The following GIT2 variants were observed in gnomAD, a reference collection of about 807,000 sequenced individuals.
GIT2 encodes ARF GTPase-activating protein GIT2.
A neutral mutation model predicts 100.3 loss-of-function variants in GIT2; 32 were observed. The observed-to-expected ratio is 0.32, with a 90% CI of 0.24 to 0.43. The LOEUF is 0.43. Ranked by LOEUF, GIT2 falls within the 20% of genes least tolerant of loss-of-function variation. The pLI is 1.00. For missense variants in GIT2, 737 were observed against 975.1 expected (o/e 0.76, Z 3.25); for synonymous variants, 353 against 364.1 (o/e 0.97, Z 0.35).
At chr12:109,986,145 A>G (rs1169439839) in intron 4 of GIT2, among the ~76,000 whole-genome samples, 1 of 152,018 alleles carries the variant, frequency 6.6e-6, no homozygotes, top group African/African-American at 2.4e-5. Flanking sequence ...TCCTACTAAA[A>G]TTATTCCAAA....
chr12:109,999,526 A>G, upstream of GIT2: 1 of 383,838 alleles, frequency 2.6e-6, no homozygotes. The surrounding 1 kb of genome is among the most constrained non-coding windows in gnomAD (Gnocchi z 4.3). Flanking sequence ...GCGACCCCGG[A>G]CCTCCCGCGC....
rs941723847 is a variant in GIT2, at chr12:109,989,749, C to A, written c.240G>T (p.Leu80Phe). 1 of 1,608,220 alleles carries A rather than the reference C, an allele frequency of 6.2e-7. No individual in the cohort carries two copies. Among genetic ancestry groups the A allele is most frequent in the African/African-American group, 1.3e-5 (1 of 74,782 alleles). The change falls in exon 3 of 20, where the codon TTG becomes TTT. Residue 80 changes from leucine (L) to phenylalanine (F), a missense_variant. Coordinates refer to ENST00000355312, the MANE Select transcript of GIT2 (RefSeq NM_057169.5). ...CACTCATAATAGACGCAGGGTCCAGCAAAGAATGCTCCCATATAGAGTTAG... is the reference window on the plus strand; with the variant it reads ...CACTCATAATAGACGCAGGGTCCAGAAAAGAATGCTCCCATATAGAGTTAG... ...NGANSIWEHS[L>F]LDPASIMSGR... is the part of the protein sequence containing the mutation.
rs1260726807 is a variant in GIT2, at chr12:109,961,620, C to T, written c.882G>A (p.Thr294=). The change falls in exon 10 of 20, where the codon ACG becomes ACA. Residue 294 remains threonine (T), a synonymous_variant. Transcript: ENST00000355312. ...DVYDEVDRRE[T]DAVWLATQNH... ...AAAGCCACGTCAAGTCACCTGCATC[C>T]GTCTCTCGCCTGTCAACTTCATCGT... 2.5e-6 allele frequency: 4 copies of T among 1,596,446 alleles called. No individual in the cohort carries two copies. Among genetic ancestry groups the T allele is most frequent in the Middle Eastern group, 1.7e-4 (1 of 6,028 alleles).
chr12:109,937,505 A>G (rs1873383064), intron 18 of GIT2, among the ~76,000 whole-genome samples: 2 of 152,188 alleles, frequency 1.3e-5, no homozygotes, highest in Admixed American at 1.3e-4. Context: ...CCTGCCAACC[A>G]TGGGAAGCTA....
At chr12:109,994,648 A>G (rs1249920902) in intron 1 of GIT2, among the ~76,000 whole-genome samples, 5 of 152,242 alleles carry the variant, frequency 3.3e-5, no homozygotes, top group African/African-American at 1.2e-4. Context: ...TCTGAAATGC[A>G]CAAAATGCTG....
At chr12:109,961,967 T>C (rs1429434228) in intron 9 of GIT2, among the ~76,000 whole-genome samples, 1 of 152,218 alleles carries the variant, frequency 6.6e-6, no homozygotes, top group East Asian at 1.9e-4. Context: ...TAGGTTCCAG[T>C]TCTCTACTCT....
chr12:109,967,923 C>T (rs1458528014), intron 7 of GIT2, among the ~76,000 whole-genome samples: 1 of 152,122 alleles, frequency 6.6e-6, no homozygotes, highest in Non-Finnish European at 1.5e-5. Flanking sequence ...GGACAGGTGG[C>T]CTTTGCAGAT....
At chr12:109,963,848 C>T (rs958824710) in intron 9 of GIT2, among the ~76,000 whole-genome samples, 10 of 152,236 alleles carry the variant, frequency 6.6e-5, no homozygotes, top group African/African-American at 1.7e-4. Context: ...CAGTTCTGGC[C>T]GGCAGCCCCT....
At position 109,959,967 on chromosome 12, in the gene GIT2, G is replaced by C; in HGVS notation, c.988-9C>G. The C allele has an allele frequency of 6.3e-7, 1 of 1,576,564 alleles. No homozygotes were observed. Among genetic ancestry groups the C allele is most frequent in the Non-Finnish European group, 8.7e-7 (1 of 1,146,572 alleles). ...GCTAACTTCTGTCTGCCCTAAAGGT[G>C]GGAAAATAATTGGAAATATTTCCCA... On this transcript the variant is annotated splice_polypyrimidine_tract_variant and intron_variant, in intron 11 of 19. Coordinates refer to ENST00000355312, the MANE Select transcript of GIT2 (RefSeq NM_057169.5).
chr12:109,967,737 C>A (rs1373838704), intron 7 of GIT2, among the ~76,000 whole-genome samples: 1 of 152,164 alleles, frequency 6.6e-6, no homozygotes, highest in East Asian at 1.9e-4. Context: ...CCTATGCTCA[C>A]CCCAATCACG....
chr12:109,955,378 G>A (rs551762124), intron 12 of GIT2, among the ~76,000 whole-genome samples: 7 of 151,920 alleles, frequency 4.6e-5, no homozygotes, highest in African/African-American at 1.2e-4. Flanking sequence ...TGCCCACCTC[G>A]GCCTCCCAAA....
upstream of GIT2, chr12:109,999,721 C>A (rs1318046030): frequency 4.6e-6 from 7 of 1,537,336 alleles, no homozygotes; most frequent in Non-Finnish European, 6.1e-6. This position sits in a 1 kb window ranked among gnomAD's most constrained non-coding sequence, Gnocchi z 4.3. Context: ...GCGACCACTA[C>A]CCCCTGCACC....
intron 1 of GIT2, among the ~76,000 whole-genome samples, chr12:109,995,015 T>G (rs189128897): frequency 6.6e-6 from 1 of 152,272 alleles, no homozygotes; most frequent in Non-Finnish European, 1.5e-5. Flanking sequence ...TTACAATTGG[T>G]CTCCACTTCC....
chr12:109,983,262 G>A (rs938290198), intron 6 of GIT2, 111 bp downstream of exon 6: 25 of 952,866 alleles, frequency 2.6e-5, no homozygotes, highest in African/African-American at 4.9e-5. Flanking sequence ...ATAAAATAAC[G>A]TACATCTTTA....
intron 1 of GIT2, among the ~76,000 whole-genome samples, chr12:109,993,762 A>G (rs1319060647): frequency 6.6e-6 from 1 of 152,168 alleles, no homozygotes; most frequent in East Asian, 1.9e-4. Context: ...TAAAACATTG[A>G]ACATTTCATG....
At chr12:109,991,535 T>C (rs1177330365) in intron 2 of GIT2, 92 bp downstream of exon 2, 10 of 958,674 alleles carry the variant, frequency 1.0e-5, no homozygotes, top group Non-Finnish European at 1.6e-5. Flanking sequence ...TTTTGTCTTA[T>C]GGAAGAAGTA....
chr12:109,993,823 G>C (rs779509140), intron 1 of GIT2, among the ~76,000 whole-genome samples: 1 of 150,808 alleles, frequency 6.6e-6, no homozygotes, highest in Middle Eastern at 3.4e-3. Context: ...TCAAGTAATT[G>C]AACTCAGAGT....
At chr12:109,976,658 G>A (rs1187510797) in intron 7 of GIT2, among the ~76,000 whole-genome samples, 6 of 147,326 alleles carry the variant, frequency 4.1e-5, no homozygotes, top group South Asian at 2.2e-4. Flanking sequence ...GCACGATCTC[G>A]GCTCACTGTA....
At chr12:109,954,659 G>A (rs1593010017) in intron 12 of GIT2, 1 of 152,318 alleles carries the variant, frequency 6.6e-6, no homozygotes, top group East Asian at 1.9e-4. Flanking sequence ...AGCACTTTGG[G>A]AGGCTGAGGC....
Sources: gnomAD v4.1 joint callset for allele counts (sites outside exome capture counted in the v4.1 genomes callset) on GRCh38, gnomAD v4.1.1 for gene constraint, Gnocchi (gnomAD v3.1) non-coding constraint, MANE v1.5 for transcripts, NCBI Gene and HGNC (gene_info 2026-07-23, HGNC 2026-07-21) for gene names.